EVI5: variants seen among roughly 807,000 people sequenced by gnomAD.
The protein encoded by EVI5 is ecotropic viral integration site 5.
In EVI5, 73 loss-of-function variants were observed where a neutral mutation model predicts 112.0. The observed-to-expected ratio is 0.65, with a 90% CI of 0.54 to 0.79. The LOEUF is 0.79. Among genes scored for constraint, EVI5 ranks in the 30% least tolerant of loss-of-function variants. The pLI is 0.00. For synonymous variants in EVI5, 305 were observed against 319.9 expected (o/e 0.95, Z 0.50); for missense variants, 900 against 968.8 (o/e 0.93, Z 0.94).
intron 19 of EVI5, among the ~76,000 whole-genome samples, chr1:92,521,500 G>A (rs1198003566): frequency 6.6e-6 from 1 of 152,120 alleles, no homozygotes; most frequent in Non-Finnish European, 1.5e-5. Flanking sequence ...AGACCAGCCT[G>A]GCCAACATGT....
rs938566952 is a variant in EVI5 at position 92,636,208 on chromosome 1, T to C, written c.1521A>G (p.Ile507Met). The C allele has an allele frequency of 6.8e-6, 11 of 1,612,088 alleles. No homozygotes were observed. Among genetic ancestry groups the C allele is most frequent in the Non-Finnish European group, 8.5e-6 (10 of 1,179,132 alleles). ...ATTTGTGTAGGTTTCTTACCTTCTC[T>C]ATATCCAAGACTTTATCCTGCATCT... ...LKEMQDKVLD[I>M]EKRNNSLPDE... The change falls in exon 14 of 20, where the codon ATA becomes ATG. Residue 507 changes from isoleucine to methionine, a missense_variant. By Grantham distance (10) the Ile-to-Met change is conservative. Transcript: ENST00000684568.
chr1:92,565,332 T>C (rs1669275470), intron 18 of EVI5, among the ~76,000 whole-genome samples: 1 of 152,234 alleles, frequency 6.6e-6, no homozygotes, highest in Non-Finnish European at 1.5e-5. Flanking sequence ...CTCTCAATAA[T>C]ACAACTTGAA....
At position 92,513,871 on chromosome 1, in the gene EVI5, A is replaced by G; in HGVS notation, c.2266T>C (p.Ser756Pro). ...TTATCTATAAAATCTTCATCGGAGG[A>G]ATGGAATGATTCATCATCTCCTATT... ...HLIGDDESFH[S>P]SDEDFIDNSL... Residue 756 changes from serine (S) to proline (P), a missense_variant, in exon 20 of 20, where the codon TCC becomes CCC. Transcript: ENST00000684568. 1 of 1,613,474 alleles carries G rather than the reference A, an allele frequency of 6.2e-7. No individual in the cohort carries two copies. Among genetic ancestry groups the G allele is most frequent in the African/African-American group, 1.3e-5 (1 of 75,002 alleles).
intron 10 of EVI5, among the ~76,000 whole-genome samples, chr1:92,675,061 G>A (rs1666494262): frequency 6.6e-6 from 1 of 152,194 alleles, no homozygotes; most frequent in South Asian, 2.1e-4. Context: ...TACTGCAAAT[G>A]GCTGGGCGTG....
At chr1:92,625,695 A>G in intron 15 of EVI5, 99 bp downstream of exon 15, 3 of 968,054 alleles carry the variant, frequency 3.1e-6, no homozygotes, top group Non-Finnish European at 4.7e-6. Flanking sequence ...CTCACTTTAA[A>G]CTCATCTACT....
chr1:92,695,897 G>A (rs1670244222), intron 6 of EVI5, among the ~76,000 whole-genome samples: 1 of 151,130 alleles, frequency 6.6e-6, no homozygotes, highest in Admixed American at 6.6e-5. Context: ...AAATACAGAT[G>A]TTTCAGCAAC....
At chr1:92,778,014 T>C (rs557801167) in intron 1 of EVI5, among the ~76,000 whole-genome samples, 36 of 150,744 alleles carry the variant, frequency 2.4e-4, no homozygotes, top group African/African-American at 8.0e-4. Flanking sequence ...GTTCAAGCAA[T>C]CCTCCTGCCT....
chr1:92,739,273 CAA>C (rs72016918), intron 1 of EVI5, among the ~76,000 whole-genome samples: 2 of 76,466 alleles, frequency 2.6e-5, no homozygotes, highest in Non-Finnish European at 2.4e-5. Flanking sequence ...AACTCCGTCT[CAA>C]AAAAAAAAAA....
rs185287435 is a variant in EVI5 at position 92,574,197 on chromosome 1, G to A, written c.2071-10460C>T. The stretch of plus-strand genomic sequence containing the variant: ...GCAATCATGGAGAGCTGTAATTAGA[G>A]AAAGGATGAAGACAAGATGGAATGT... On this transcript the variant is annotated intron_variant, in intron 18 of 19. Coordinates refer to ENST00000684568, the MANE Select transcript of EVI5 (RefSeq NM_001350197.2). Among the ~76,000 whole-genome samples, 3 of 152,238 alleles carry A rather than the reference G, an allele frequency of 2.0e-5. No homozygotes were observed. The East Asian group carries it at 5.8e-4, about 29-fold the overall frequency.
chr1:92,722,883 GT>G (rs781250180), intron 2 of EVI5, among the ~76,000 whole-genome samples: 15 of 152,160 alleles, frequency 9.9e-5, no homozygotes, highest in Non-Finnish European at 1.8e-4. Flanking sequence ...AAAAAGTTAT[GT>G]GGCACACCCA....
At chr1:92,547,311 A>G (rs1249098715) in intron 19 of EVI5, among the ~76,000 whole-genome samples, 1 of 152,228 alleles carries the variant, frequency 6.6e-6, no homozygotes, top group East Asian at 1.9e-4. Flanking sequence ...GAGAACAAAG[A>G]CACAACATAC....
intron 1 of EVI5, among the ~76,000 whole-genome samples, chr1:92,742,021 C>G (rs974589326): frequency 2.0e-5 from 3 of 151,792 alleles, no homozygotes; most frequent in African/African-American, 7.3e-5. Flanking sequence ...GTAAAAATAA[C>G]CCAGAAAAAT....
At chr1:92,633,057 G>A (rs1657567038) in intron 14 of EVI5, among the ~76,000 whole-genome samples, 1 of 152,184 alleles carries the variant, frequency 6.6e-6, no homozygotes, top group African/African-American at 2.4e-5. Context: ...TATAATTTCT[G>A]TTCTTTTACA....
At chr1:92,595,428 G>A (rs1305214045) in intron 18 of EVI5, among the ~76,000 whole-genome samples, 1 of 152,000 alleles carries the variant, frequency 6.6e-6, no homozygotes, top group Non-Finnish European at 1.5e-5. Context: ...GGTGGGGGGA[G>A]GTTGGAGGGA....
intron 19 of EVI5, among the ~76,000 whole-genome samples, chr1:92,523,271 T>C (rs984065574): frequency 1.3e-5 from 2 of 152,154 alleles, no homozygotes; most frequent in Non-Finnish European, 2.9e-5. Context: ...CACCTAGCTC[T>C]AACAATCATT....
intron 18 of EVI5, among the ~76,000 whole-genome samples, chr1:92,577,242 G>A (rs529597702): frequency 1.5e-4 from 23 of 152,278 alleles, no homozygotes; most frequent in African/African-American, 5.3e-4. Flanking sequence ...GTCAGGCATA[G>A]GCAGACTTAG....
At chr1:92,592,682 TAAAG>T (rs929302617) in intron 18 of EVI5, among the ~76,000 whole-genome samples, 2 of 151,588 alleles carry the variant, frequency 1.3e-5, no homozygotes, top group Non-Finnish European at 2.9e-5. Flanking sequence ...GCAAGACTAA[TAAAG>T]AAGAAAAGAG....
intron 9 of EVI5, among the ~76,000 whole-genome samples, chr1:92,680,703 G>A (rs1301716900): frequency 6.6e-6 from 1 of 152,098 alleles, no homozygotes; most frequent in Non-Finnish European, 1.5e-5. Context: ...AGTGACCAAA[G>A]CTAACATTAC....
intron 14 of EVI5, among the ~76,000 whole-genome samples, chr1:92,630,070 T>A (rs1324748538): frequency 3.3e-5 from 5 of 152,184 alleles, no homozygotes; most frequent in Non-Finnish European, 4.4e-5. Context: ...TCTATCATTG[T>A]TGGACATTTG....
Sources: gnomAD v4.1 joint callset for allele counts (sites outside exome capture counted in the v4.1 genomes callset) on GRCh38, gnomAD v4.1.1 for gene constraint, MANE v1.5 for transcripts, NCBI Gene and HGNC (gene_info 2026-07-23, HGNC 2026-07-21) for gene names.